The following RNF6 variants were observed in gnomAD, a reference collection of about 807,000 sequenced individuals.
RNF6 encodes ring finger protein 6.
RNF6 carries 21 observed loss-of-function variants against 50.1 expected under a neutral mutation model. The observed-to-expected ratio is 0.42, with a 90% CI of 0.30 to 0.60. The LOEUF is 0.60. RNF6 is among the 20% of genes least tolerant of loss of function. The pLI, the probability that RNF6 is intolerant of heterozygous loss-of-function variation, is 0.20. For synonymous variants in RNF6, 255 were observed against 291.8 expected (o/e 0.87, Z 1.29); for missense variants, 698 against 838.2 (o/e 0.83, Z 2.07).
Position 26,213,741 on chromosome 13 carries a change from T to G in RNF6, c.*83A>C. On this transcript the variant is annotated 3_prime_UTR_variant, in exon 5 of 5. Coordinates refer to ENST00000381588, the MANE Select transcript of RNF6 (RefSeq NM_005977.4). ...ATAATCTGTTATTTTTCATCCTGGTTAGCTAATCACAAATAACTCAGCAAA... is the reference window on the plus strand; with the variant it reads ...ATAATCTGTTATTTTTCATCCTGGTGAGCTAATCACAAATAACTCAGCAAA... 9.0e-7 allele frequency: 1 copy of G among 1,117,116 alleles called. No individual in the cohort carries two copies. The highest frequency in any genetic ancestry group is 1.3e-6 in the Non-Finnish European group (1 of 785,064). 69.2% of individuals were successfully genotyped at this position (1,117,116 alleles called of 1,614,324 possible).
chr13:26,204,619 G>T (rs141682982), intron 5 of RNF6, among the ~76,000 whole-genome samples: 2 of 152,000 alleles, frequency 1.3e-5, no homozygotes, highest in Non-Finnish European at 1.5e-5. Flanking sequence ...GCAGGTCCTC[G>T]AGAGCCCAAA....
At chr13:26,156,628 T>G (rs79369778) in intron 5 of RNF6, among the ~76,000 whole-genome samples, 4,078 of 152,246 alleles carry the variant, frequency 0.027, 83 homozygotes, top group Non-Finnish European at 0.04. Flanking sequence ...AAAAACAAAT[T>G]TTCAAATAAC....
intron 5 of RNF6, among the ~76,000 whole-genome samples, chr13:26,198,126 GTGTATA>G (rs774698164): frequency 0.27 from 3,830 of 14,190 alleles, 67 homozygotes; most frequent in South Asian, 0.49. Context: ...GTGTGTGTGT[GTGTATA>G]TATATATATA....
At chr13:26,177,835 T>G (rs1457801306) in intron 5 of RNF6, among the ~76,000 whole-genome samples, 1 of 152,214 alleles carries the variant, frequency 6.6e-6, no homozygotes, top group Non-Finnish European at 1.5e-5. Context: ...AGCTATGCCC[T>G]ACTCCACCAT....
At position 26,214,048 on chromosome 13, in the gene RNF6, C is replaced by T. The variant is rs759089139; in HGVS notation, c.1834G>A (p.Asp612Asn). The change falls in exon 5 of 5, where the codon GAC becomes AAC. Residue 612 changes from aspartate (D) to asparagine (N), a missense_variant. Asp to Asn is a conservative substitution (Grantham distance 23). Transcript: ENST00000381588. ...TCATAGTGCCTGGTGGAAAGATTGT[C>T]AATCTGCTCTTTGGTTAAACCACGT... The part of the protein sequence containing the change: ...RIRGLTKEQI[D>N]NLSTRHYEHN... 1 of 1,614,178 alleles carries T rather than the reference C, an allele frequency of 6.2e-7. No individual in the cohort carries two copies. The highest frequency in any genetic ancestry group is 1.1e-5 in the South Asian group (1 of 91,084).
chr13:26,152,190 G>T (rs546924731), intron 5 of RNF6, among the ~76,000 whole-genome samples: 1 of 152,186 alleles, frequency 6.6e-6, no homozygotes, highest in Admixed American at 6.5e-5. Flanking sequence ...ATTTATTTTT[G>T]AATATGTAAC....
chr13:26,202,904 C>T (rs1211962492), intron 5 of RNF6, among the ~76,000 whole-genome samples: 1 of 152,166 alleles, frequency 6.6e-6, no homozygotes, highest in Non-Finnish European at 1.5e-5. Context: ...AGACTGGATA[C>T]AATGTTAATA....
Position 26,213,824 on chromosome 13 carries a change from T to C in RNF6, c.2058A>G (p.Ter686=). Residue 686 remains the stop codon, a stop_retained_variant, in exon 5 of 5, where the codon TAA becomes TAG. Coordinates refer to ENST00000381588, the MANE Select transcript of RNF6 (RefSeq NM_005977.4). ...CAGTATTTGAGTAGATCCCATCACC[T>C]TACCCATTGTTTGCTATGTTAGACC... is the stretch of plus-strand genomic sequence containing the variant. The part of the protein sequence containing the change: ...VLGSNIANNG[*] 6.3e-7 allele frequency: 1 copy of C among 1,599,348 alleles called. No individual in the cohort carries two copies. The highest frequency in any genetic ancestry group is 8.5e-7 in the Non-Finnish European group (1 of 1,170,992).
At chr13:26,211,313 T>C (rs1054690981), downstream of RNF6, among the ~76,000 whole-genome samples, 1 of 152,218 alleles carries the variant, frequency 6.6e-6, no homozygotes, top group African/African-American at 2.4e-5. Flanking sequence ...CTAGTAACAT[T>C]ATCATGTCTT....
chr13:26,173,821 T>C (rs955820573), intron 5 of RNF6, among the ~76,000 whole-genome samples: 1 of 151,764 alleles, frequency 6.6e-6, no homozygotes, highest in Non-Finnish European at 1.5e-5. Flanking sequence ...TGTGGTGGTG[T>C]ATGCCTGTAA....
chr13:26,216,754 A>C (rs1869919669), intron 4 of RNF6, among the ~76,000 whole-genome samples: 1 of 152,174 alleles, frequency 6.6e-6, no homozygotes, highest in Non-Finnish European at 1.5e-5. Flanking sequence ...GGAGTTCGAG[A>C]CCAGCCTGAC....
At chr13:26,162,992 C>A (rs1872279276) in intron 5 of RNF6, among the ~76,000 whole-genome samples, 2 of 152,220 alleles carry the variant, frequency 1.3e-5, no homozygotes, top group African/African-American at 4.8e-5. Context: ...AATGAAATCA[C>A]ACACTTATCT....
At chr13:26,144,781 G>A (rs181471277) in intron 5 of RNF6, 1 of 152,422 alleles carries the variant, frequency 6.6e-6, no homozygotes, top group East Asian at 1.9e-4. Flanking sequence ...TGAGCAAGAA[G>A]GCAGTGTAGC....
At chr13:26,220,219 G>A (rs1019172909) in intron 2 of RNF6, among the ~76,000 whole-genome samples, 1 of 152,134 alleles carries the variant, frequency 6.6e-6, no homozygotes, top group African/African-American at 2.4e-5. Flanking sequence ...TGAACAAACT[G>A]GAAGGTGGTC....
At chr13:26,197,526 T>C (rs1395771988) in intron 5 of RNF6, among the ~76,000 whole-genome samples, 2 of 151,986 alleles carry the variant, frequency 1.3e-5, no homozygotes, top group East Asian at 1.9e-4. Context: ...GGCCAACCCT[T>C]GTACCCATTT....
At chr13:26,215,692 G>A in intron 4 of RNF6, 100 bp from the exon 5 acceptor site, 3 of 1,022,128 alleles carry the variant, frequency 2.9e-6, no homozygotes, top group Non-Finnish European at 1.4e-6. Context: ...ATAAATTAAA[G>A]AACATCTGTG....
rs8002764 is a variant in RNF6 at position 26,180,308 on chromosome 13, C to T, written n.768+35166G>A. On this transcript the variant is annotated intron_variant and non_coding_transcript_variant, in intron 5 of 5. Coordinates refer to the RNF6 transcript ENST00000468480. ...TGGAACCAGCTGTCTGTTTGTCTTC[C>T]TACTAGGGTGTCTCAAGCAACCCTG... 7.2e-3 allele frequency among the ~76,000 whole-genome samples: 1,098 copies of T among 152,216 alleles called. 8 individuals are homozygous for T. Among genetic ancestry groups the T allele is most frequent in the African/African-American group, 0.025 (1,028 of 41,554 alleles).
At chr13:26,164,786 G>A (rs1220630571) in intron 5 of RNF6, among the ~76,000 whole-genome samples, 1 of 152,058 alleles carries the variant, frequency 6.6e-6, no homozygotes, top group Admixed American at 6.6e-5. Flanking sequence ...TTTAGTTCAT[G>A]TCTGCTTAAA....
intron 5 of RNF6, among the ~76,000 whole-genome samples, chr13:26,183,460 C>T (rs1873336421): frequency 6.6e-6 from 1 of 152,288 alleles, no homozygotes; most frequent in African/African-American, 2.4e-5. Context: ...ACACTTTGGG[C>T]ATCTGTGTAT....
Sources: allele counts gnomAD v4.1 joint callset (sites outside exome capture counted in the v4.1 genomes callset), GRCh38; gene constraint gnomAD v4.1.1; transcripts MANE v1.5; gene names NCBI Gene and HGNC (gene_info 2026-07-23, HGNC 2026-07-21).